The following TENM3 variants were observed in gnomAD, a reference collection of about 807,000 sequenced individuals.
TENM3 encodes the protein teneurin-3.
TENM3 carries 63 observed loss-of-function variants against 255.1 expected under a neutral mutation model. The ratio of observed to expected loss-of-function variants is 0.25; its 90% CI spans 0.20 to 0.30. The LOEUF (loss-of-function observed/expected upper bound fraction) is 0.30, where lower values mean the gene tolerates loss of function less well. TENM3 is among the 10% of genes least tolerant of loss of function. The pLI is 1.00. For synonymous variants in TENM3, 1,306 were observed against 1,322.3 expected (o/e 0.99, Z 0.27); for missense variants, 2,929 against 3,461.1 (o/e 0.85, Z 3.86).
At chr4:182,483,645 G>A (rs991098708) in intron 3 of TENM3, among the ~76,000 whole-genome samples, 2 of 152,134 alleles carry the variant, frequency 1.3e-5, no homozygotes, top group Admixed American at 1.3e-4. Context: ...GTATGTCTGT[G>A]TATTAGTCTG....
chr4:181,883,653 T>C, the TENM3 span, among the ~76,000 whole-genome samples: 96 of 152,198 alleles, frequency 6.3e-4, no homozygotes, highest in African/African-American at 2.3e-3. Context: ...TTTTTGTATT[T>C]TTAGTAGAGA....
At chr4:182,090,241 C>T in the TENM3 span, among the ~76,000 whole-genome samples, 1 of 152,098 alleles carries the variant, frequency 6.6e-6, no homozygotes, top group East Asian at 1.9e-4. Flanking sequence ...AAACACAGCC[C>T]CAGTCTCTGG....
the TENM3 span, among the ~76,000 whole-genome samples, chr4:181,973,952 C>T: frequency 7.7e-4 from 117 of 152,192 alleles, 1 homozygote; most frequent in African/African-American, 2.6e-3. Context: ...AAGGGGACAC[C>T]GGCAGGGGTA....
At chr4:181,672,987 A>T in the TENM3 span, among the ~76,000 whole-genome samples, 8 of 152,262 alleles carry the variant, frequency 5.3e-5, no homozygotes, top group South Asian at 1.7e-3. Context: ...CAACACAGTA[A>T]ACAAAGAAGC....
chr4:182,700,141 A>G (rs1182947772), intron 12 of TENM3, among the ~76,000 whole-genome samples: 1 of 152,176 alleles, frequency 6.6e-6, no homozygotes, highest in Non-Finnish European at 1.5e-5. Flanking sequence ...GGAGAGTGAA[A>G]GGCAGCTAGT....
chr4:181,473,138 A>C, the TENM3 span, among the ~76,000 whole-genome samples: 1 of 152,200 alleles, frequency 6.6e-6, no homozygotes, highest in Non-Finnish European at 1.5e-5. Context: ...TCATTAAACA[A>C]TATTTTAATG....
the TENM3 span, among the ~76,000 whole-genome samples, chr4:182,121,612 T>TTAA: frequency 6.6e-6 from 1 of 152,222 alleles, no homozygotes; most frequent in Non-Finnish European, 1.5e-5. Context: ...TATTAAACAT[T>TTAA]TAATAGCATT....
chr4:182,640,887 C>G (rs186714963), intron 5 of TENM3, among the ~76,000 whole-genome samples: 4 of 152,318 alleles, frequency 2.6e-5, no homozygotes, highest in African/African-American at 9.6e-5. Flanking sequence ...TTCATAAGAA[C>G]GTTTTTCTCC....
chr4:182,414,129 G>A (rs1268890826), intron 3 of TENM3, among the ~76,000 whole-genome samples: 1 of 152,040 alleles, frequency 6.6e-6, no homozygotes, highest in Non-Finnish European at 1.5e-5. Flanking sequence ...AATTATTCTT[G>A]CAAATAAATT....
intron 13 of TENM3, among the ~76,000 whole-genome samples, chr4:182,725,736 A>T (rs1157764149): frequency 3.3e-5 from 5 of 150,790 alleles, no homozygotes; most frequent in African/African-American, 9.8e-5. Flanking sequence ...CCTGGGTTCA[A>T]GCAATTCTCC....
chr4:181,755,389 T>C, the TENM3 span, among the ~76,000 whole-genome samples: 1 of 152,130 alleles, frequency 6.6e-6, no homozygotes, highest in Non-Finnish European at 1.5e-5. Flanking sequence ...ATTTTTCTGG[T>C]ATAACATGAT....
chr4:182,052,208 C>T, the TENM3 span, among the ~76,000 whole-genome samples: 1 of 152,056 alleles, frequency 6.6e-6, no homozygotes, highest in Non-Finnish European at 1.5e-5. Flanking sequence ...TCATGAAGAT[C>T]CTGCATAGAG....
intron 3 of TENM3, among the ~76,000 whole-genome samples, chr4:182,559,564 A>G (rs185403693): frequency 1.3e-5 from 2 of 152,282 alleles, no homozygotes; most frequent in Admixed American, 1.3e-4. Context: ...TGAGAGCTGA[A>G]TTGAGAAGAA....
chr4:181,462,288 G>A, the TENM3 span, among the ~76,000 whole-genome samples: 149 of 152,100 alleles, frequency 9.8e-4, 4 homozygotes, highest in Non-Finnish European at 1.8e-4. Context: ...TAAAGATCCA[G>A]GGGATGGGAC....
At chr4:181,450,559 G>T in the TENM3 span, among the ~76,000 whole-genome samples, 1 of 152,204 alleles carries the variant, frequency 6.6e-6, no homozygotes, top group South Asian at 2.1e-4. Flanking sequence ...GTGGCCATTC[G>T]GTATCATTTT....
intron 12 of TENM3, among the ~76,000 whole-genome samples, chr4:182,694,067 G>A (rs1757203397): frequency 6.6e-6 from 1 of 151,730 alleles, no homozygotes; most frequent in Non-Finnish European, 1.5e-5. Flanking sequence ...TTGTATGTTT[G>A]GGTTAAGGGT....
chr4:181,827,479 A>G, the TENM3 span, among the ~76,000 whole-genome samples: 1 of 152,206 alleles, frequency 6.6e-6, no homozygotes, highest in Non-Finnish European at 1.5e-5. Context: ...AAAGATTTGC[A>G]TACACCAGCA....
At chr4:182,046,549 A>AAAT in the TENM3 span, among the ~76,000 whole-genome samples, 16,698 of 142,920 alleles carry the variant, frequency 0.12, 1,010 homozygotes, top group Non-Finnish European at 0.14. Context: ...ACAAAAAACT[A>AAAT]AATAATAATA....
intron 3 of TENM3, among the ~76,000 whole-genome samples, chr4:182,363,074 G>A (rs779498028): frequency 8.5e-5 from 13 of 152,104 alleles, no homozygotes; most frequent in Non-Finnish European, 1.3e-4. Flanking sequence ...CAGAAGCTTT[G>A]GAGGAGCAGT....
Sources: allele counts gnomAD v4.1 joint callset (sites outside exome capture counted in the v4.1 genomes callset), GRCh38; gene constraint gnomAD v4.1.1; transcripts MANE v1.5; gene names NCBI Gene and HGNC (gene_info 2026-07-23, HGNC 2026-07-21).